The following LPIN1 variants were observed in gnomAD, a reference collection of about 807,000 sequenced individuals.
The protein encoded by LPIN1 is phosphatidate phosphatase LPIN1.
In LPIN1, 71 loss-of-function variants were observed where a neutral mutation model predicts 107.5. That is an observed-to-expected ratio of 0.66 (90% CI 0.55 to 0.80). The LOEUF (loss-of-function observed/expected upper bound fraction) is 0.80, where lower values mean the gene tolerates loss of function less well. Ranked by LOEUF, LPIN1 falls within the 30% of genes least tolerant of loss-of-function variation. LPIN1 has a pLI of 0.00. For synonymous variants in LPIN1, 445 were observed against 452.6 expected (o/e 0.98, Z 0.21); for missense variants, 1,043 against 1,160.6 (o/e 0.90, Z 1.47).
intron 1 of LPIN1, among the ~76,000 whole-genome samples, chr2:11,709,486 T>A (rs1329711361): frequency 6.6e-6 from 1 of 152,232 alleles, no homozygotes; most frequent in Non-Finnish European, 1.5e-5. Context: ...TTTGGACAGT[T>A]CCCACACATT....
At chr2:11,769,459 T>A (rs1001244498) in intron 3 of LPIN1, among the ~76,000 whole-genome samples, 1 of 152,210 alleles carries the variant, frequency 6.6e-6, no homozygotes, top group Non-Finnish European at 1.5e-5. Flanking sequence ...ATGCCTTCAT[T>A]ATATATTCTA....
intron 1 of LPIN1, among the ~76,000 whole-genome samples, chr2:11,725,019 A>T (rs368782363): frequency 8.0e-4 from 122 of 152,260 alleles, no homozygotes; most frequent in East Asian, 3.5e-3. Context: ...CCCAGCACTT[A>T]GGGAGGCCGA....
intron 1 of LPIN1, among the ~76,000 whole-genome samples, chr2:11,758,096 GA>G (rs992381052): frequency 6.6e-6 from 1 of 152,192 alleles, no homozygotes; most frequent in Non-Finnish European, 1.5e-5. Flanking sequence ...GCATGTATCA[GA>G]ATTTCCTTTC....
At chr2:11,728,376 T>C (rs973469687) in intron 1 of LPIN1, among the ~76,000 whole-genome samples, 1 of 152,196 alleles carries the variant, frequency 6.6e-6, no homozygotes, top group Non-Finnish European at 1.5e-5. Flanking sequence ...TCTATCTTAC[T>C]ACTTGTTTTA....
At chr2:11,781,013 G>A (rs552229176) in intron 7 of LPIN1, among the ~76,000 whole-genome samples, 1 of 152,156 alleles carries the variant, frequency 6.6e-6, no homozygotes, top group African/African-American at 2.4e-5. Flanking sequence ...TGTATTATAA[G>A]CATCTTGAAT....
chr2:11,725,745 G>C (rs1363406104), intron 1 of LPIN1, among the ~76,000 whole-genome samples: 4 of 152,148 alleles, frequency 2.6e-5, no homozygotes, highest in African/African-American at 9.7e-5. Flanking sequence ...TTTTGAAACA[G>C]CCAGCCAGTG....
chr2:11,775,996 T>C (rs1343698647), intron 5 of LPIN1, 90 bp from the exon 6 acceptor site: 1 of 435,264 alleles, frequency 2.3e-6, no homozygotes, highest in African/African-American at 2.0e-5. Context: ...TTATATAAAG[T>C]ATATTACATA....
At chr2:11,821,324 C>G (rs1030086331) in intron 20 of LPIN1, among the ~76,000 whole-genome samples, 1 of 152,154 alleles carries the variant, frequency 6.6e-6, no homozygotes, top group African/African-American at 2.4e-5. Context: ...CGAGACCAGC[C>G]TGACCAACAT....
At chr2:11,682,382 CAT>C (rs1219209985) in intron 1 of LPIN1, 2 of 152,640 alleles carry the variant, frequency 1.3e-5, no homozygotes, top group African/African-American at 4.8e-5. Flanking sequence ...CCTGCTGTTA[CAT>C]GTTTGCGATT....
At chr2:11,680,967 C>A (rs1661681786) in intron 1 of LPIN1, among the ~76,000 whole-genome samples, 2 of 152,164 alleles carry the variant, frequency 1.3e-5, no homozygotes, top group Admixed American at 1.3e-4. Flanking sequence ...GCTTATAATA[C>A]CTAACTATAT....
intron 1 of LPIN1, chr2:11,677,831 C>G (rs1418914675): frequency 9.7e-7 from 1 of 1,028,572 alleles, no homozygotes; most frequent in African/African-American, 1.6e-5. Context: ...CATTTGCGCC[C>G]AGAGCGCCTT....
intron 1 of LPIN1, among the ~76,000 whole-genome samples, chr2:11,747,056 G>A (rs1470159167): frequency 1.3e-5 from 2 of 152,226 alleles, no homozygotes; most frequent in Non-Finnish European, 2.9e-5. Context: ...TCCTGGCTCT[G>A]CGCGATCATC....
chr2:11,809,665 C>A (rs751305666), intron 17 of LPIN1, among the ~76,000 whole-genome samples: 4 of 152,262 alleles, frequency 2.6e-5, no homozygotes, highest in Non-Finnish European at 4.4e-5. Context: ...ATCCATCCAC[C>A]TCAGCCTCCC....
intron 1 of LPIN1, among the ~76,000 whole-genome samples, chr2:11,755,203 G>A (rs1341418890): frequency 3.3e-5 from 5 of 151,940 alleles, no homozygotes; most frequent in Non-Finnish European, 5.9e-5. Context: ...TCCTGACCTC[G>A]TGATCCGCCC....
intron 1 of LPIN1, among the ~76,000 whole-genome samples, chr2:11,738,434 C>T (rs888503693): frequency 1.8e-4 from 27 of 151,666 alleles, no homozygotes; most frequent in Non-Finnish European, 3.4e-4. Context: ...AGTCTCCCCT[C>T]TGCTACATGG....
At chr2:11,691,734 A>G (rs1299627027) in intron 1 of LPIN1, among the ~76,000 whole-genome samples, 2 of 152,186 alleles carry the variant, frequency 1.3e-5, no homozygotes, top group Non-Finnish European at 2.9e-5. Context: ...TCCCACTTCA[A>G]TATTGATCAA....
chr2:11,705,831 C>G (rs1052905357), intron 1 of LPIN1, among the ~76,000 whole-genome samples: 2 of 152,104 alleles, frequency 1.3e-5, no homozygotes, highest in African/African-American at 4.8e-5. Flanking sequence ...TGGCTTTAAT[C>G]ATAGAGGTGA....
In LPIN1 at chr2:11,822,484, C is replaced by T. The variant is rs532664164; in HGVS notation, c.2621+1970C>T. Among the ~76,000 whole-genome samples the T allele has an allele frequency of 4.6e-5, 7 of 151,538 alleles. No individual in the cohort carries two copies. In the East Asian group the frequency reaches 1.2e-3, roughly 25 times the overall value. ...AAATTAAAAAAAAAAGGGGAGACCT[C>T]ACAATCATGGTCAAAGGAGGCAAGG... On this transcript the variant is annotated intron_variant, in intron 20 of 20. Coordinates refer to ENST00000674199, the MANE Select transcript of LPIN1 (RefSeq NM_001349206.2).
intron 14 of LPIN1, among the ~76,000 whole-genome samples, chr2:11,800,186 A>G (rs1677449494): frequency 2.6e-5 from 4 of 152,122 alleles, no homozygotes; most frequent in Admixed American, 2.6e-4. Context: ...GGTATGCTTG[A>G]GTGTCGGTTG....
Sources: gnomAD v4.1 joint callset for allele counts (sites outside exome capture counted in the v4.1 genomes callset) on GRCh38, gnomAD v4.1.1 for gene constraint, MANE v1.5 for transcripts, NCBI Gene and HGNC (gene_info 2026-07-23, HGNC 2026-07-21) for gene names.